Variants in TMEM132D observed in about 807,000 individuals in gnomAD.
TMEM132D encodes the protein transmembrane protein 132D, also known as mature OL transmembrane protein.
Under a neutral mutation model 62.3 loss-of-function variants are expected in TMEM132D, and 21 were observed. The observed-to-expected ratio is 0.34, with a 90% CI of 0.24 to 0.49. TMEM132D has a LOEUF of 0.49. TMEM132D is among the 20% of genes least tolerant of loss of function. The pLI, the probability that TMEM132D is intolerant of heterozygous loss-of-function variation, is 0.99. For missense variants in TMEM132D, 1,346 were observed against 1,402.8 expected (o/e 0.96, Z 0.65); for synonymous variants, 621 against 575.6 (o/e 1.08, Z -1.13).
intron 3 of TMEM132D, among the ~76,000 whole-genome samples, chr12:129,493,378 G>A (rs558546941): frequency 8.5e-5 from 13 of 152,234 alleles, no homozygotes; most frequent in South Asian, 2.1e-4. Context: ...AGTGATTTAC[G>A]TGGTTAGTAA....
At chr12:129,470,745 A>G (rs1463803121) in intron 3 of TMEM132D, among the ~76,000 whole-genome samples, 1 of 152,244 alleles carries the variant, frequency 6.6e-6, no homozygotes, top group Non-Finnish European at 1.5e-5. Context: ...AGAAATTGAC[A>G]TTTATGAAAC....
chr12:129,737,113 G>T (rs1869451986), intron 1 of TMEM132D, among the ~76,000 whole-genome samples: 1 of 152,184 alleles, frequency 6.6e-6, no homozygotes, highest in Non-Finnish European at 1.5e-5. Flanking sequence ...ACCGCACCCA[G>T]CCATGATGTG....
chr12:129,673,556 C>T (rs1880556768), intron 2 of TMEM132D, among the ~76,000 whole-genome samples: 1 of 152,144 alleles, frequency 6.6e-6, no homozygotes, highest in Non-Finnish European at 1.5e-5. Context: ...AAAAAACTAG[C>T]CCCCATTCTC....
At chr12:129,326,163 G>T (rs886903580) in intron 4 of TMEM132D, among the ~76,000 whole-genome samples, 22 of 152,262 alleles carry the variant, frequency 1.4e-4, no homozygotes, top group African/African-American at 5.3e-4. Context: ...CTCTCCATGG[G>T]GTGACATATA....
At chr12:129,134,868 G>A (rs370814150) in intron 5 of TMEM132D, among the ~76,000 whole-genome samples, 1 of 152,188 alleles carries the variant, frequency 6.6e-6, no homozygotes. Context: ...TCACAAGCAA[G>A]GTCAATCATC....
At chr12:129,270,818 G>T (rs753537759) in intron 4 of TMEM132D, among the ~76,000 whole-genome samples, 25 of 152,098 alleles carry the variant, frequency 1.6e-4, no homozygotes, top group Non-Finnish European at 3.2e-4. Flanking sequence ...CCTCCAATTT[G>T]GTACATGTCA....
chr12:129,586,821 A>G (rs772565353), intron 2 of TMEM132D, among the ~76,000 whole-genome samples: 4 of 152,224 alleles, frequency 2.6e-5, no homozygotes, highest in Admixed American at 6.5e-5. Flanking sequence ...GGTACATAAC[A>G]TGATGAAGGT....
At chr12:129,218,012 C>T (rs1353841968) in intron 4 of TMEM132D, among the ~76,000 whole-genome samples, 1 of 152,132 alleles carries the variant, frequency 6.6e-6, no homozygotes, top group Non-Finnish European at 1.5e-5. Context: ...GACCAGCAGC[C>T]TCTCTCCCTG....
At chr12:129,294,984 T>A (rs1881532490) in intron 4 of TMEM132D, among the ~76,000 whole-genome samples, 1 of 152,166 alleles carries the variant, frequency 6.6e-6, no homozygotes, top group South Asian at 2.1e-4. Flanking sequence ...TGTTACTGAG[T>A]GTTTCTGTTA....
At chr12:129,267,923 A>G (rs2135599057) in intron 4 of TMEM132D, among the ~76,000 whole-genome samples, 1 of 152,350 alleles carries the variant, frequency 6.6e-6, no homozygotes, top group South Asian at 2.1e-4. Context: ...GACAAAAACA[A>G]GCAATGGGGA....
chr12:129,655,216 G>A (rs1356189747), intron 2 of TMEM132D, among the ~76,000 whole-genome samples: 1 of 148,898 alleles, frequency 6.7e-6, no homozygotes, highest in African/African-American at 2.5e-5. Flanking sequence ...CAAAGTGCTG[G>A]GAGTACAGGC....
At chr12:129,593,616 C>T (rs1383539215) in intron 2 of TMEM132D, among the ~76,000 whole-genome samples, 5 of 152,152 alleles carry the variant, frequency 3.3e-5, no homozygotes, top group Admixed American at 6.5e-5. Flanking sequence ...GCACTTTTGG[C>T]TTTTGGGAAA....
At chr12:129,582,876 C>T (rs561696572) in intron 2 of TMEM132D, among the ~76,000 whole-genome samples, 6 of 152,210 alleles carry the variant, frequency 3.9e-5, no homozygotes, top group African/African-American at 1.4e-4. Flanking sequence ...CCACCCACCT[C>T]GGCCTCCCAA....
chr12:129,212,331 C>T (rs1165808371), intron 4 of TMEM132D: 1 of 152,208 alleles, frequency 6.6e-6, no homozygotes, highest in South Asian at 2.1e-4. Context: ...GTGACTGAGC[C>T]TTCAGGCTTG....
intron 4 of TMEM132D, among the ~76,000 whole-genome samples, chr12:129,236,514 C>CAAAAAAAAAAAAAAAAAA (rs60745384): frequency 1.5e-4 from 10 of 67,040 alleles, no homozygotes; most frequent in Non-Finnish European, 2.0e-4. Flanking sequence ...GACTCCATCT[C>CAAAAAAAAAAAAAAAAAA]AAAAAAAAAA....
chr12:129,708,401 T>A (rs2137233895), intron 1 of TMEM132D, among the ~76,000 whole-genome samples: 1 of 152,130 alleles, frequency 6.6e-6, no homozygotes. Context: ...GAAATTAAAG[T>A]GGAAACCACA....
chr12:129,521,946 G>C (rs1475498146), intron 3 of TMEM132D: 1 of 152,004 alleles, frequency 6.6e-6, no homozygotes, highest in Non-Finnish European at 1.5e-5. Context: ...GGAAAACTGG[G>C]TTGCAGTGAC....
At chr12:129,192,947 G>C (rs895755694) in intron 5 of TMEM132D, among the ~76,000 whole-genome samples, 5 of 152,210 alleles carry the variant, frequency 3.3e-5, no homozygotes, top group Admixed American at 3.3e-4. Context: ...GAGGCGGGCG[G>C]ATCACGAGGT....
intron 1 of TMEM132D, among the ~76,000 whole-genome samples, chr12:129,866,665 G>A (rs1363250233): frequency 4.6e-5 from 7 of 152,088 alleles, no homozygotes; most frequent in Non-Finnish European, 7.4e-5. Flanking sequence ...CTGGCACACT[G>A]TGGGTGGGAA....
Sources: gnomAD v4.1 joint callset for allele counts (sites outside exome capture counted in the v4.1 genomes callset) on GRCh38, gnomAD v4.1.1 for gene constraint, MANE v1.5 for transcripts, NCBI Gene and HGNC (gene_info 2026-07-23, HGNC 2026-07-21) for gene names.